LRP1B: variants seen among roughly 807,000 people sequenced by gnomAD.
The protein encoded by LRP1B is LDL receptor related protein 1B.
Under a neutral mutation model 556.6 loss-of-function variants are expected in LRP1B, and 217 were observed. The observed-to-expected ratio is 0.39, with a 90% confidence interval of 0.35 to 0.44. The LOEUF (loss-of-function observed/expected upper bound fraction) is 0.44, where lower values mean the gene tolerates loss of function less well. LRP1B is among the 20% of genes least tolerant of loss of function. The pLI is 1.00. For missense variants in LRP1B, 5,053 were observed against 5,620.8 expected, an observed-to-expected ratio of 0.90 and a Z score of 3.23; for synonymous variants, 2,047 against 1,865.8, an observed-to-expected ratio of 1.10 and a Z score of -2.50.
At chr2:141,689,009 G>A (rs1349057985) in intron 2 of LRP1B, among the ~76,000 whole-genome samples, 6 of 151,874 alleles carry the variant, frequency 4.0e-5, no homozygotes, top group African/African-American at 7.2e-5. Flanking sequence ...ACAAAAATCA[G>A]AATCTACTGC....
At chr2:141,819,249 A>G (rs908249906) in intron 1 of LRP1B, among the ~76,000 whole-genome samples, 4 of 132,274 alleles carry the variant, frequency 3.0e-5, no homozygotes, top group Non-Finnish European at 5.3e-5. Context: ...ACAAACAAAC[A>G]AACAAACAAA....
chr2:140,603,497 T>C (rs1389430514), intron 41 of LRP1B, among the ~76,000 whole-genome samples: 4 of 152,080 alleles, frequency 2.6e-5, no homozygotes, highest in Non-Finnish European at 5.9e-5. Flanking sequence ...ATGGCATAGC[T>C]CTGAGAAAAT....
At chr2:141,233,675 T>C (rs956834343) in intron 5 of LRP1B, among the ~76,000 whole-genome samples, 2 of 152,144 alleles carry the variant, frequency 1.3e-5, no homozygotes, top group African/African-American at 4.8e-5. Context: ...ATGATTTTGA[T>C]ATATATGTTG....
At chr2:140,422,536 A>G (rs1264894301) in intron 66 of LRP1B, among the ~76,000 whole-genome samples, 1 of 152,234 alleles carries the variant, frequency 6.6e-6, no homozygotes, top group Admixed American at 6.5e-5. Context: ...TGGAAAATAT[A>G]GCCCATGAAG....
At chr2:141,732,923 A>C (rs187609544) in intron 2 of LRP1B, among the ~76,000 whole-genome samples, 2 of 152,218 alleles carry the variant, frequency 1.3e-5, no homozygotes, top group East Asian at 3.9e-4. Flanking sequence ...AAAAATGTCA[A>C]AGTGAGGAAT....
intron 1 of LRP1B, among the ~76,000 whole-genome samples, chr2:142,068,306 T>C (rs1283825738): frequency 1.3e-5 from 2 of 151,538 alleles, no homozygotes; most frequent in Admixed American, 1.3e-4. Flanking sequence ...TTTTGTCTAA[T>C]TGTGAATTTT....
intron 3 of LRP1B, among the ~76,000 whole-genome samples, chr2:141,266,777 A>T (rs569065731): frequency 6.6e-6 from 1 of 152,350 alleles, no homozygotes; most frequent in Admixed American, 6.5e-5. Context: ...ATTAAAATAT[A>T]GCTACAAGGC....
chr2:140,463,096 T>C (rs1436886344), intron 60 of LRP1B, among the ~76,000 whole-genome samples: 1 of 152,148 alleles, frequency 6.6e-6, no homozygotes, highest in Non-Finnish European at 1.5e-5. Flanking sequence ...AACTGCAGTC[T>C]GGTAAACAGG....
chr2:140,988,724 G>A lies in LRP1B; in HGVS notation c.2770+808C>T, dbSNP rs373226281. Among the ~76,000 whole-genome samples the A allele has an allele frequency of 1.2e-4, 19 of 152,162 alleles. No individual in the cohort carries two copies. The South Asian group carries it at 1.5e-3, about 12-fold the overall frequency. The stretch of plus-strand genomic sequence containing the variant: ...TTTATAACACTTGTTATTGAGTAAG[G>A]CTTATTTTGGCAAAGACAGAAAGAG... On this transcript the variant is annotated intron_variant, in intron 17 of 90. Coordinates refer to ENST00000389484, the MANE Select transcript of LRP1B (RefSeq NM_018557.3).
In LRP1B at chr2:140,374,568, A is replaced by C. The variant is rs555342013; in HGVS notation, c.10639-1431T>G. ...GACATTAGAGAATGTCATAAGAAAG[A>C]GATGTCATATGTTTTATTCACCGCT... On this transcript the variant is annotated intron_variant, in intron 68 of 90. Transcript: ENST00000389484. Among the ~76,000 whole-genome samples the C allele has an allele frequency of 5.9e-5, 9 of 152,324 alleles. No homozygotes were observed. The South Asian group carries it at 1.0e-3, about 18-fold the overall frequency.
intron 41 of LRP1B, among the ~76,000 whole-genome samples, chr2:140,655,763 A>G (rs183874723): frequency 0.012 from 1,840 of 152,294 alleles, 32 homozygotes; most frequent in African/African-American, 0.039. Flanking sequence ...TAACACGGTG[A>G]AACCCCGTCT....
At chr2:141,602,146 T>C (rs1687769581) in intron 2 of LRP1B, among the ~76,000 whole-genome samples, 1 of 152,148 alleles carries the variant, frequency 6.6e-6, no homozygotes, top group Non-Finnish European at 1.5e-5. Flanking sequence ...GAAACAACTT[T>C]CTAGTTTTCA....
chr2:141,325,123 C>CT (rs375836388), intron 3 of LRP1B, among the ~76,000 whole-genome samples: 3,440 of 150,112 alleles, frequency 0.023, 60 homozygotes, highest in South Asian at 0.044. Context: ...ATGTTAAAGG[C>CT]TTTTTTTTTG....
At chr2:140,315,161 T>A (rs1388901215) in intron 82 of LRP1B, 62 bp from the exon 83 acceptor site, 1 of 1,125,504 alleles carries the variant, frequency 8.9e-7, no homozygotes, top group Non-Finnish European at 1.3e-6. Flanking sequence ...ATAAAATAAT[T>A]CAAATAGATA....
intron 66 of LRP1B, among the ~76,000 whole-genome samples, chr2:140,393,952 C>T (rs542448578): frequency 2.9e-4 from 44 of 152,222 alleles, no homozygotes; most frequent in Non-Finnish European, 4.6e-4. Context: ...TCATTTTAAA[C>T]ACTCCTCAAC....
At chr2:141,828,181 A>G (rs1439568464) in intron 1 of LRP1B, among the ~76,000 whole-genome samples, 1 of 151,988 alleles carries the variant, frequency 6.6e-6, no homozygotes, top group Non-Finnish European at 1.5e-5. Context: ...TGTTTATTTG[A>G]TCTGGAACGA....
intron 6 of LRP1B, among the ~76,000 whole-genome samples, chr2:141,201,416 C>G (rs6731032): frequency 0.79 from 119,369 of 151,916 alleles, 47,910 homozygotes; most frequent in Non-Finnish European, 0.86. Flanking sequence ...TTCTGACTCA[C>G]AGTCATGGAA....
chr2:140,391,956 G>A (rs1036921091), intron 66 of LRP1B, among the ~76,000 whole-genome samples: 1 of 152,082 alleles, frequency 6.6e-6, no homozygotes, highest in African/African-American at 2.4e-5. Context: ...ACACACCATG[G>A]CTGGAGTGAG....
At chr2:140,856,335 C>T (rs1692616310) in intron 27 of LRP1B, among the ~76,000 whole-genome samples, 1 of 152,166 alleles carries the variant, frequency 6.6e-6, no homozygotes, top group Non-Finnish European at 1.5e-5. Flanking sequence ...CCAGCTAATG[C>T]TGATTTCTTT....
Sources: allele counts gnomAD v4.1 joint callset (sites outside exome capture counted in the v4.1 genomes callset), GRCh38; gene constraint gnomAD v4.1.1; transcripts MANE v1.5; gene names NCBI Gene and HGNC (gene_info 2026-07-23, HGNC 2026-07-21).